The following IFT52 variants were observed in gnomAD, a reference collection of about 807,000 sequenced individuals.
The protein encoded by IFT52 is intraflagellar transport protein 52 homolog.
Under a neutral mutation model 54.4 loss-of-function variants are expected in IFT52, and 44 were observed. The observed-to-expected ratio is 0.81, with a 90% CI of 0.63 to 1.04. The LOEUF is 1.04. Ranked by LOEUF, IFT52 falls within the 50% of genes least tolerant of loss-of-function variation. The pLI is 0.00. For synonymous variants in IFT52, 181 were observed against 185.3 expected, an observed-to-expected ratio of 0.98 and a Z score of 0.19; for missense variants, 452 against 523.6, an observed-to-expected ratio of 0.86 and a Z score of 1.33.
intron 3 of IFT52, among the ~76,000 whole-genome samples, chr20:43,602,143 T>TTTTTA (rs1555801614): frequency 4.8e-5 from 7 of 145,562 alleles, no homozygotes; most frequent in Admixed American, 1.4e-4. Flanking sequence ...CTGATTTTTA[T>TTTTTA]TTTATTTATT....
Position 43,610,291 on chromosome 20 carries a change from CAA to C in IFT52, c.486-3543_486-3542del, listed in dbSNP as rs11324612. 5.1e-3 allele frequency among the ~76,000 whole-genome samples: 455 copies of C among 89,998 alleles called. 4 individuals carry two copies. The highest frequency in any genetic ancestry group is 6.8e-3 in the African/African-American group (149 of 22,006). The allele number at this position is 89,998 out of a possible 152,430, so 59.0% of individuals were successfully genotyped here. A position where few individuals can be genotyped will look rare whatever the true frequency, so the allele number is the denominator to read the frequency against. On this transcript the variant is annotated intron_variant, in intron 6 of 13. Coordinates refer to ENST00000373030, the MANE Select transcript of IFT52 (RefSeq NM_016004.5). ...TGGGCGACAGAGCGAGACACCAACG[CAA>C]AAAAAAAAAAAAAAACCTTAAAAAA...
At chr20:43,636,154 A>C in intron 11 of IFT52, 141 bp downstream of exon 11, 1 of 707,980 alleles carries the variant, frequency 1.4e-6, no homozygotes, top group Non-Finnish European at 2.4e-6. Context: ...CTAAACATGC[A>C]TGGACACCAA....
intron 6 of IFT52, among the ~76,000 whole-genome samples, chr20:43,607,748 G>A (rs1023737160): frequency 7.2e-5 from 11 of 151,806 alleles, no homozygotes; most frequent in Admixed American, 1.3e-4. Flanking sequence ...ACGGGGTGGC[G>A]GCCGGGCAGA....
chr20:43,609,885 G>T (rs1983282378), intron 6 of IFT52, among the ~76,000 whole-genome samples: 2 of 151,296 alleles, frequency 1.3e-5, no homozygotes, highest in African/African-American at 4.9e-5. Context: ...GGAGGCAGAG[G>T]TTGCCGTGAG....
intron 13 of IFT52, 82 bp from the exon 14 acceptor site, chr20:43,646,853 TC>T: frequency 9.0e-7 from 1 of 1,113,680 alleles, no homozygotes. Flanking sequence ...ATTCAGAATC[TC>T]TAAAGTCCAA....
At chr20:43,624,148 A>G (rs1164500324) in intron 10 of IFT52, 103 bp downstream of exon 10, 2 of 1,210,778 alleles carry the variant, frequency 1.7e-6, no homozygotes, top group Non-Finnish European at 2.4e-6. Flanking sequence ...TAAATGTGGC[A>G]TGCAGAACAT....
At position 43,646,812 on chromosome 20, in the gene IFT52, A is replaced by G. The variant is rs549527428; in HGVS notation, c.1267-124A>G. The G allele has an allele frequency of 8.8e-4, 742 of 844,268 alleles. 10 individuals are homozygous for G. The highest frequency in any genetic ancestry group is 8.5e-3 in the South Asian group (544 of 63,672). 52.3% of individuals were successfully genotyped at this position (844,268 alleles called of 1,614,324 possible). The stretch of plus-strand genomic sequence containing the variant: ...TTGGGTTGGATTCAGCCCTAAAGCC[A>G]GATATTATGTATATGTCCTAATTAA... On this transcript the variant is annotated intron_variant, in intron 13 of 13. Transcript: ENST00000373030.
intron 10 of IFT52, among the ~76,000 whole-genome samples, chr20:43,635,077 A>G (rs1318404960): frequency 1.3e-5 from 2 of 151,806 alleles, no homozygotes; most frequent in Non-Finnish European, 2.9e-5. Context: ...CTTAGGCAGG[A>G]GAATCACTTG....
At chr20:43,608,326 A>G (rs1250191096) in intron 6 of IFT52, among the ~76,000 whole-genome samples, 2 of 152,202 alleles carry the variant, frequency 1.3e-5, no homozygotes, top group African/African-American at 2.4e-5. Flanking sequence ...CCCTATGAGC[A>G]CACACCTTTT....
At chr20:43,629,252 T>C (rs2145653489) in intron 10 of IFT52, among the ~76,000 whole-genome samples, 1 of 152,296 alleles carries the variant, frequency 6.6e-6, no homozygotes, top group South Asian at 2.1e-4. Context: ...AAAGCTCTGT[T>C]GTACGTTTTT....
Position 43,596,502 on chromosome 20 carries a change from G to A in IFT52, c.187G>A (p.Glu63Lys), listed in dbSNP as rs1310881310. The change falls in exon 3 of 14, where the codon GAA (glutamate) becomes AAA (lysine). Residue 63 changes from glutamate (E) to lysine (K), a missense_variant. Glu to Lys is a moderately conservative substitution (Grantham distance 56, BLOSUM62 1). Coordinates refer to ENST00000373030, the MANE Select transcript of IFT52 (RefSeq NM_016004.5). ...ACTGTGGATTACAGCTGGGCCAAGGGAAAAATTTACTGCAGCTGAGGTAAG... is the reference window on the plus strand; with the variant it reads ...ACTGTGGATTACAGCTGGGCCAAGGAAAAAATTTACTGCAGCTGAGGTAAG... ...VKLWITAGPR[E>K]KFTAAEFEIL... The A allele has an allele frequency of 6.2e-7, 1 of 1,604,088 alleles. No individual in the cohort carries two copies. The highest frequency in any genetic ancestry group is 8.5e-7 in the Non-Finnish European group (1 of 1,171,728).
chr20:43,642,702 T>G lies in IFT52; in HGVS notation c.1266+78T>G, dbSNP rs1600522794. 9 of 1,399,054 alleles carry G rather than the reference T, an allele frequency of 6.4e-6. No homozygotes were observed. The South Asian group carries it at 1.2e-4, about 19-fold the overall frequency. 86.7% of individuals were successfully genotyped at this position (1,399,054 alleles called of 1,614,324 possible). ...TTCCATGGACTGTGCTTGCCATGTT[T>G]TATGACGTTGATTCAGCCTGTAAAT... On this transcript the variant is annotated intron_variant, in intron 13 of 13. Coordinates refer to ENST00000373030, the MANE Select transcript of IFT52 (RefSeq NM_016004.5).
Position 43,623,990 on chromosome 20 carries a change from C to G in IFT52, c.868C>G (p.Leu290Val). Residue 290 changes from leucine to valine, a missense_variant, in exon 10 of 14, where the codon CTC becomes GTC. Leu to Val is a conservative substitution (Grantham distance 32). Transcript: ENST00000373030. ...TGAGATCCCAAGGGACTTTACCACC[C>G]TCTTCGACCTGTCCATCTTCCAGCT... ...SDEIPRDFTT[L>V]FDLSIFQLDT... is the part of the protein sequence containing the mutation. The G allele has an allele frequency of 1.2e-6, 2 of 1,614,166 alleles. No homozygotes were observed. Among genetic ancestry groups the G allele is most frequent in the Non-Finnish European group, 1.7e-6 (2 of 1,180,018 alleles).
chr20:43,597,670 G>T (rs568364664), intron 3 of IFT52, among the ~76,000 whole-genome samples: 2 of 152,180 alleles, frequency 1.3e-5, no homozygotes, highest in South Asian at 4.2e-4. Flanking sequence ...GAGAAGGGTG[G>T]ATCACTTGAG....
At chr20:43,632,238 A>G (rs986195206) in intron 10 of IFT52, among the ~76,000 whole-genome samples, 2 of 146,198 alleles carry the variant, frequency 1.4e-5, no homozygotes, top group African/African-American at 5.1e-5. Flanking sequence ...TTGTCTTCTT[A>G]ATATTTATCA....
intron 1 of IFT52, among the ~76,000 whole-genome samples, chr20:43,594,458 C>CA (rs1307160059): frequency 6.6e-6 from 1 of 152,100 alleles, no homozygotes; most frequent in Non-Finnish European, 1.5e-5. Context: ...AGGATCTGGG[C>CA]AAGAGGCAGA....
chr20:43,621,785 C>A (rs1984320103), intron 9 of IFT52, among the ~76,000 whole-genome samples: 1 of 152,302 alleles, frequency 6.6e-6, no homozygotes, highest in South Asian at 2.1e-4. Context: ...TATCTGTGAA[C>A]AGGGAACACT....
chr20:43,631,667 A>G (rs1011479517), intron 10 of IFT52, among the ~76,000 whole-genome samples: 1 of 152,348 alleles, frequency 6.6e-6, no homozygotes, highest in Middle Eastern at 3.4e-3. Flanking sequence ...AAGCCACAAT[A>G]GAAAAATAAT....
Position 43,603,819 on chromosome 20 carries a change from A to G in IFT52, c.267A>G (p.Glu89=). Residue 89 remains glutamate, a synonymous_variant, in exon 4 of 14, where the codon GAA becomes GAG. Transcript: ENST00000373030. ...TGGDVFVMLG[E]GGESRFDTNI... ...GAGATGTCTTTGTGATGCTAGGAGAAGGTGGAGAATCCAGATTTGACACCA... is the reference window on the plus strand; with the variant it reads ...GAGATGTCTTTGTGATGCTAGGAGAGGGTGGAGAATCCAGATTTGACACCA... The G allele has an allele frequency of 6.2e-7, 1 of 1,600,658 alleles. No homozygotes were observed. The highest frequency in any genetic ancestry group is 1.3e-5 in the African/African-American group (1 of 74,694).
Sources: gnomAD v4.1 joint callset for allele counts (sites outside exome capture counted in the v4.1 genomes callset) on GRCh38, gnomAD v4.1.1 for gene constraint, MANE v1.5 for transcripts, NCBI Gene and HGNC (gene_info 2026-07-23, HGNC 2026-07-21) for gene names.